The following SCAPER variants were observed in gnomAD, a reference collection of about 807,000 sequenced individuals.
SCAPER encodes the protein S-phase cyclin A associated protein in the ER.
A neutral mutation model predicts 182.2 loss-of-function variants in SCAPER; 98 were observed. That is an observed-to-expected ratio of 0.54 (90% CI 0.46 to 0.64). SCAPER has a LOEUF of 0.64. SCAPER is among the 30% of genes least tolerant of loss of function. The pLI is 0.00. For missense variants in SCAPER, 1,432 were observed against 1,690.0 expected (o/e 0.85, Z 2.68); for synonymous variants, 605 against 564.6 (o/e 1.07, Z -1.01).
intron 23 of SCAPER, among the ~76,000 whole-genome samples, chr15:76,551,385 G>A (rs2045757217): frequency 6.6e-6 from 1 of 151,414 alleles, no homozygotes; most frequent in Non-Finnish European, 1.5e-5. Flanking sequence ...CCACAAAAAA[G>A]AATGAAATCC....
At chr15:76,554,943 G>A (rs2046081963) in intron 23 of SCAPER, among the ~76,000 whole-genome samples, 1 of 152,064 alleles carries the variant, frequency 6.6e-6, no homozygotes, top group South Asian at 2.1e-4. Context: ...AACATGCCCA[G>A]CTAATTTTTG....
At chr15:76,569,119 TG>T (rs1444704264) in intron 23 of SCAPER, among the ~76,000 whole-genome samples, 2 of 152,002 alleles carry the variant, frequency 1.3e-5, no homozygotes, top group African/African-American at 2.4e-5. Context: ...TAAATATTTT[TG>T]TTGTACACAA....
Position 76,524,271 on chromosome 15 carries a change from G to C in SCAPER, c.2839-19297C>G, listed in dbSNP as rs537538418. Among the ~76,000 whole-genome samples, 6 of 152,250 alleles carry C rather than the reference G, an allele frequency of 3.9e-5. No homozygotes were observed. In the South Asian group the frequency reaches 1.2e-3, roughly 32 times the overall value. On this transcript the variant is annotated intron_variant, in intron 23 of 31. Coordinates refer to ENST00000563290, the MANE Select transcript of SCAPER (RefSeq NM_020843.4). Reference sequence around the variant, plus strand: ...AGATGGCACTAGTCTACCCTGTGGAGAATGGAGAGCCATGGTAGAAGGCCT... The same window carrying C: ...AGATGGCACTAGTCTACCCTGTGGACAATGGAGAGCCATGGTAGAAGGCCT...
chr15:76,671,383 A>C (rs1301635386), intron 20 of SCAPER, among the ~76,000 whole-genome samples: 1 of 152,154 alleles, frequency 6.6e-6, no homozygotes, highest in East Asian at 1.9e-4. Flanking sequence ...AACTCTCTGA[A>C]TCTCCATATA....
intron 29 of SCAPER, among the ~76,000 whole-genome samples, chr15:76,362,281 GT>G (rs1182331688): frequency 6.6e-6 from 1 of 151,218 alleles, no homozygotes; most frequent in Non-Finnish European, 1.5e-5. Flanking sequence ...CCCACATATT[GT>G]TTTTTAAAGG....
At chr15:76,559,949 G>A (rs977452870) in intron 23 of SCAPER, among the ~76,000 whole-genome samples, 4 of 151,826 alleles carry the variant, frequency 2.6e-5, no homozygotes, top group Admixed American at 1.3e-4. Context: ...TGTGTGTATG[G>A]GTATGCATAT....
intron 15 of SCAPER, among the ~76,000 whole-genome samples, chr15:76,742,582 A>G (rs1043571746): frequency 1.3e-5 from 2 of 151,904 alleles, no homozygotes; most frequent in African/African-American, 4.8e-5. Flanking sequence ...ATGAAAGTCA[A>G]TATTAGACTA....
intron 29 of SCAPER, among the ~76,000 whole-genome samples, chr15:76,357,632 C>T (rs371107756): frequency 2.0e-5 from 3 of 152,158 alleles, no homozygotes; most frequent in South Asian, 2.1e-4. Context: ...GATACTCACA[C>T]GTGTATGTTT....
intron 21 of SCAPER, among the ~76,000 whole-genome samples, chr15:76,649,108 GAGAGC>G (rs59217136): frequency 0.38 from 57,377 of 151,694 alleles, 12,851 homozygotes; most frequent in Middle Eastern, 0.52. Flanking sequence ...CTGCAGGAGA[GAGAGC>G]TGTTCTCCTT....
chr15:76,524,534 A>C (rs1423931776), intron 23 of SCAPER, among the ~76,000 whole-genome samples: 1 of 152,072 alleles, frequency 6.6e-6, no homozygotes, highest in African/African-American at 2.4e-5. Context: ...TATTCACTTA[A>C]TATTTACATC....
intron 27 of SCAPER, among the ~76,000 whole-genome samples, chr15:76,384,071 C>T (rs764751756): frequency 3.9e-4 from 60 of 152,288 alleles, no homozygotes; most frequent in African/African-American, 1.3e-3. Context: ...TGACTAGAGA[C>T]GTGAGTAGAG....
intron 25 of SCAPER, among the ~76,000 whole-genome samples, chr15:76,449,717 C>T (rs950921982): frequency 6.6e-6 from 1 of 152,172 alleles, no homozygotes; most frequent in African/African-American, 2.4e-5. Flanking sequence ...CCAGCACTTA[C>T]CAACTTGTTT....
At chr15:76,691,029 C>A (rs1336657683) in intron 20 of SCAPER, among the ~76,000 whole-genome samples, 1 of 151,904 alleles carries the variant, frequency 6.6e-6, no homozygotes, top group Non-Finnish European at 1.5e-5. Context: ...TTCAACATTG[C>A]AATGAGGTCC....
At chr15:76,373,495 G>A (rs1446841016) in intron 29 of SCAPER, among the ~76,000 whole-genome samples, 1 of 152,192 alleles carries the variant, frequency 6.6e-6, no homozygotes, top group Non-Finnish European at 1.5e-5. Context: ...TGAGCAGTTT[G>A]TAAGAGATCT....
chr15:76,367,881 C>T (rs949800038), intron 29 of SCAPER, among the ~76,000 whole-genome samples: 1 of 152,174 alleles, frequency 6.6e-6, no homozygotes, highest in African/African-American at 2.4e-5. Flanking sequence ...AGGTATAAAT[C>T]ATTTTTAATT....
intron 24 of SCAPER, among the ~76,000 whole-genome samples, chr15:76,482,381 T>C (rs552013086): frequency 1.8e-4 from 27 of 152,298 alleles, no homozygotes; most frequent in African/African-American, 5.5e-4. Flanking sequence ...TAAAAACTCA[T>C]GAATTATTAA....
chr15:76,882,255 C>T (rs1165038664), intron 2 of SCAPER, among the ~76,000 whole-genome samples: 2 of 151,866 alleles, frequency 1.3e-5, no homozygotes, highest in Admixed American at 1.3e-4. Flanking sequence ...AAATAAAAAA[C>T]TGGCATGCAC....
intron 23 of SCAPER, among the ~76,000 whole-genome samples, chr15:76,550,501 A>T (rs2045667441): frequency 6.6e-6 from 1 of 152,216 alleles, no homozygotes; most frequent in Admixed American, 6.5e-5. Context: ...AGTTCCATCC[A>T]TGTCCCTGCA....
intron 22 of SCAPER, among the ~76,000 whole-genome samples, chr15:76,608,715 C>T (rs549494767): frequency 1.4e-4 from 22 of 152,210 alleles, no homozygotes; most frequent in Non-Finnish European, 2.4e-4. Flanking sequence ...ACAACTAATT[C>T]GGCAATGGCG....
Sources: gnomAD v4.1 joint callset for allele counts (sites outside exome capture counted in the v4.1 genomes callset) on GRCh38, gnomAD v4.1.1 for gene constraint, MANE v1.5 for transcripts, NCBI Gene and HGNC (gene_info 2026-07-23, HGNC 2026-07-21) for gene names.